The following RYK variants were observed in gnomAD, a reference collection of about 807,000 sequenced individuals.
RYK encodes the protein inactive tyrosine-protein kinase RYK.
RYK carries 21 observed loss-of-function variants against 70.2 expected under a neutral mutation model. The observed-to-expected ratio is 0.30, with a 90% CI of 0.21 to 0.43. RYK has a LOEUF of 0.43. Ranked by LOEUF, RYK falls within the 20% of genes least tolerant of loss-of-function variation. RYK has a pLI of 1.00. For synonymous variants in RYK, 267 were observed against 278.0 expected, an observed-to-expected ratio of 0.96 and a Z score of 0.39; for missense variants, 604 against 753.3, an observed-to-expected ratio of 0.80 and a Z score of 2.32.
At chr3:134,175,864 C>G (rs537394269) in intron 12 of RYK, 66 bp downstream of exon 12, 366 of 1,543,480 alleles carry the variant, frequency 2.4e-4, no homozygotes, top group Non-Finnish European at 3.1e-4. Context: ...CACTGTGACT[C>G]GCAGAGAACC....
chr3:134,203,351 T>C (rs1384976259), intron 5 of RYK, among the ~76,000 whole-genome samples: 1 of 152,136 alleles, frequency 6.6e-6, no homozygotes, highest in Non-Finnish European at 1.5e-5. Context: ...GGACTATTCT[T>C]ACCAAAAGAG....
chr3:134,195,025 T>G, intron 7 of RYK, 57 bp downstream of exon 7: 2 of 1,219,094 alleles, frequency 1.6e-6, no homozygotes, highest in Non-Finnish European at 2.4e-6. Context: ...GCAAGACCAC[T>G]GGGAAGCAGC....
intron 6 of RYK, among the ~76,000 whole-genome samples, chr3:134,200,323 T>C (rs1377430172): frequency 6.6e-6 from 1 of 152,070 alleles, no homozygotes; most frequent in African/African-American, 2.4e-5. Flanking sequence ...CCACTCCGGA[T>C]GCACCACCTT....
rs565105014 is a variant in RYK, at chr3:134,217,701, G to A, written c.354+4717C>T. ...TATATACACACGAACTATTTCCAAA[G>A]GAAAGACAATAATCAGGCAACAGTG... On this transcript the variant is annotated intron_variant, in intron 2 of 14. Transcript: ENST00000623711. Among the ~76,000 whole-genome samples, 31 of 152,276 alleles carry A rather than the reference G, an allele frequency of 2.0e-4. No homozygotes were observed. The South Asian group carries it at 4.1e-3, about 20-fold the overall frequency.
intron 1 of RYK, among the ~76,000 whole-genome samples, chr3:134,248,980 T>C (rs995677149): frequency 1.3e-5 from 2 of 152,128 alleles, no homozygotes; most frequent in African/African-American, 4.8e-5. Flanking sequence ...GGTTGTCTTC[T>C]GTCTCCTACC....
chr3:134,191,245 G>A (rs1021708836), intron 8 of RYK, among the ~76,000 whole-genome samples: 2 of 152,130 alleles, frequency 1.3e-5, no homozygotes, highest in Non-Finnish European at 2.9e-5. Flanking sequence ...GGAAAGCAAG[G>A]CCCAGTGAGA....
intron 8 of RYK, among the ~76,000 whole-genome samples, chr3:134,190,966 C>A (rs557426303): frequency 1.3e-5 from 2 of 152,112 alleles, no homozygotes; most frequent in East Asian, 3.8e-4. Flanking sequence ...TTAAGACATA[C>A]CAGAAAATCT....
At chr3:134,199,022 T>C (rs1015376304) in intron 6 of RYK, among the ~76,000 whole-genome samples, 6 of 152,090 alleles carry the variant, frequency 3.9e-5, no homozygotes, top group African/African-American at 1.4e-4. Flanking sequence ...AAGACTACAG[T>C]AGAGACACGC....
chr3:134,189,590 C>T lies in RYK; in HGVS notation c.1016-667G>A, dbSNP rs186101587. Among the ~76,000 whole-genome samples the T allele has an allele frequency of 2.8e-3, 432 of 151,806 alleles. 2 individuals are homozygous for T. Among genetic ancestry groups the T allele is most frequent in the African/African-American group, 9.2e-3 (380 of 41,386 alleles). On this transcript the variant is annotated intron_variant, in intron 8 of 14. Transcript: ENST00000623711. ...CGTGGCTAACACGGTGAAACCCCGT[C>T]TCTACTAAAAATACAAAAAAAAATA...
At chr3:134,244,418 T>C (rs2107698173) in intron 1 of RYK, among the ~76,000 whole-genome samples, 1 of 152,262 alleles carries the variant, frequency 6.6e-6, no homozygotes, top group Admixed American at 6.5e-5. Flanking sequence ...TTTGGTTAAT[T>C]GCACTCCTCC....
At chr3:134,162,472 G>A (rs918458498) in intron 13 of RYK, among the ~76,000 whole-genome samples, 2 of 152,114 alleles carry the variant, frequency 1.3e-5, no homozygotes, top group South Asian at 2.1e-4. Flanking sequence ...GGAGGAGGGG[G>A]CAGGCGACAG....
Position 134,157,924 on chromosome 3 carries a change from A to T in RYK, c.*229T>A. The T allele has an allele frequency of 2.7e-6, 1 of 364,202 alleles. No homozygotes were observed. Among genetic ancestry groups the T allele is most frequent in the Non-Finnish European group, 4.9e-6 (1 of 205,724 alleles). 22.6% of individuals were successfully genotyped at this position (364,202 alleles called of 1,614,324 possible). On this transcript the variant is annotated 3_prime_UTR_variant, in exon 15 of 15. Coordinates refer to ENST00000623711, the MANE Select transcript of RYK (RefSeq NM_002958.4). ...TGTTTTAAAAAATTTTGGCCAAAAA[A>T]TTTACAAAAACCCTTTCAGTTCAAC...
At chr3:134,221,425 G>C (rs563868169) in intron 2 of RYK, among the ~76,000 whole-genome samples, 2 of 151,700 alleles carry the variant, frequency 1.3e-5, no homozygotes, top group South Asian at 4.2e-4. Flanking sequence ...AGATGGTCTC[G>C]ATCTCCTGAC....
chr3:134,210,891 CA>C (rs2014371663), intron 3 of RYK, among the ~76,000 whole-genome samples: 1 of 152,020 alleles, frequency 6.6e-6, no homozygotes. Flanking sequence ...AAAGACAGTG[CA>C]GATCTTGAGT....
chr3:134,204,328 T>C (rs1029405285), intron 5 of RYK, among the ~76,000 whole-genome samples: 2 of 151,490 alleles, frequency 1.3e-5, no homozygotes, highest in African/African-American at 4.8e-5. Context: ...ACCCCATCTC[T>C]ACTGAAAAAA....
At chr3:134,174,924 A>C (rs1287548705) in intron 13 of RYK, among the ~76,000 whole-genome samples, 1 of 152,198 alleles carries the variant, frequency 6.6e-6, no homozygotes, top group East Asian at 1.9e-4. Flanking sequence ...TGATCTAGCA[A>C]CTATTTGGTC....
intron 13 of RYK, among the ~76,000 whole-genome samples, chr3:134,173,966 G>A (rs2013010055): frequency 6.6e-6 from 1 of 152,180 alleles, no homozygotes; most frequent in Non-Finnish European, 1.5e-5. Context: ...CCTGAAACTT[G>A]TAATTACCTT....
chr3:134,249,921 T>TTTTG (rs1553713506), intron 1 of RYK, among the ~76,000 whole-genome samples: 1 of 104,174 alleles, frequency 9.6e-6, no homozygotes, highest in African/African-American at 3.9e-5. Context: ...TCTCTCGTTT[T>TTTTG]TTTTTTTTTT....
Position 134,211,021 on chromosome 3 carries a change from G to A in RYK, c.454+487C>T, listed in dbSNP as rs550993699. Among the ~76,000 whole-genome samples, 3 of 152,274 alleles carry A rather than the reference G, an allele frequency of 2.0e-5. No homozygotes were observed. In the South Asian group the frequency reaches 6.2e-4, roughly 32 times the overall value. On this transcript the variant is annotated intron_variant, in intron 3 of 14. Coordinates refer to ENST00000623711, the MANE Select transcript of RYK (RefSeq NM_002958.4). ...GAAGATCAGAACTGCATGTAGTCTG[G>A]AACTGCTACAACTCTGGGGCAAGTG...
Sources: allele counts gnomAD v4.1 joint callset (sites outside exome capture counted in the v4.1 genomes callset), GRCh38; gene constraint gnomAD v4.1.1; transcripts MANE v1.5; gene names NCBI Gene and HGNC (gene_info 2026-07-23, HGNC 2026-07-21).